Variants in CD96 observed in about 807,000 individuals in gnomAD.
The protein encoded by CD96 is T-cell surface protein tactile.
CD96 carries 70 observed loss-of-function variants against 71.3 expected under a neutral mutation model. The observed-to-expected ratio is 0.98, with a 90% CI of 0.81 to 1.20. The LOEUF (loss-of-function observed/expected upper bound fraction) is 1.20. CD96 is among the 50% of genes most tolerant of loss of function. The probability of loss-of-function intolerance (pLI) is 0.00; values close to 1 mark genes in which losing one functional copy is unlikely to be tolerated. For synonymous variants in CD96, 248 were observed against 233.0 expected, an observed-to-expected ratio of 1.06 and a Z score of -0.59; for missense variants, 742 against 677.5, an observed-to-expected ratio of 1.10 and a Z score of -1.06.
chr3:111,651,167 A>G lies in CD96; in HGVS notation c.*1361A>G, dbSNP rs1443578604. Reference sequence around the variant, plus strand: ...ACATGTTCAGCCAAAGTTGAGAACCATCGAGCCTGTGGAAGTTCTTTCTCA... The same window carrying G: ...ACATGTTCAGCCAAAGTTGAGAACCGTCGAGCCTGTGGAAGTTCTTTCTCA... On this transcript the variant is annotated 3_prime_UTR_variant, in exon 14 of 14. Transcript: ENST00000352690. The G allele has an allele frequency of 2.6e-5, 4 of 152,248 alleles. No homozygotes were observed. Among genetic ancestry groups the G allele is most frequent in the Non-Finnish European group, 4.4e-5 (3 of 68,036 alleles). 9.4% of individuals were successfully genotyped at this position (152,248 alleles called of 1,614,324 possible).
At position 111,638,062 on chromosome 3, in the gene CD96, C is replaced by G; in HGVS notation, c.1388-17C>G. 7.0e-7 allele frequency: 1 copy of G among 1,419,696 alleles called. No individual in the cohort carries two copies. Among genetic ancestry groups the G allele is most frequent in the Non-Finnish European group, 1.0e-6 (1 of 1,002,782 alleles). 87.9% of individuals were successfully genotyped at this position (1,419,696 alleles called of 1,614,324 possible). On this transcript the variant is annotated splice_polypyrimidine_tract_variant and intron_variant, in intron 11 of 13. Transcript: ENST00000352690. Reference sequence around the variant, plus strand: ...AAGTTGAGATGTCTTGTCCAGATATCCCCTTTATATCCCTAGACAATGTCT... The same window carrying G: ...AAGTTGAGATGTCTTGTCCAGATATGCCCTTTATATCCCTAGACAATGTCT...
chr3:111,653,815 T>A (rs1184483081), downstream of CD96, among the ~76,000 whole-genome samples: 1 of 152,064 alleles, frequency 6.6e-6, no homozygotes, highest in Non-Finnish European at 1.5e-5. Context: ...AGCGATAATT[T>A]TTTTTTTTTA....
chr3:111,659,732 C>G (rs1455188496), intron 14 of CD96, among the ~76,000 whole-genome samples: 1 of 152,014 alleles, frequency 6.6e-6, no homozygotes, highest in South Asian at 2.1e-4. Context: ...ATATTCATAC[C>G]AATAAATAGG....
chr3:111,565,782 C>T (rs973904965), intron 2 of CD96, among the ~76,000 whole-genome samples: 3 of 151,282 alleles, frequency 2.0e-5, no homozygotes, highest in Non-Finnish European at 4.4e-5. Context: ...ACCTCCAGAA[C>T]TTGAGGAATT....
At chr3:111,560,247 C>T (rs1157883520) in intron 2 of CD96, among the ~76,000 whole-genome samples, 1 of 151,784 alleles carries the variant, frequency 6.6e-6, no homozygotes, top group Admixed American at 6.6e-5. Flanking sequence ...TTGATCCTGT[C>T]ATTATGATGT....
At chr3:111,642,684 A>G (rs931541147) in intron 12 of CD96, among the ~76,000 whole-genome samples, 7 of 151,818 alleles carry the variant, frequency 4.6e-5, no homozygotes, top group Non-Finnish European at 1.0e-4. Context: ...GCAGGCGCCT[A>G]TAATCCCAGC....
chr3:111,607,920 T>A (rs1937702261), intron 8 of CD96, among the ~76,000 whole-genome samples: 1 of 152,216 alleles, frequency 6.6e-6, no homozygotes, highest in Admixed American at 6.5e-5. Flanking sequence ...ATTAGCATAT[T>A]CAAAAATAAT....
At chr3:111,573,756 G>A (rs1331903906) in intron 3 of CD96, among the ~76,000 whole-genome samples, 1 of 144,954 alleles carries the variant, frequency 6.9e-6, no homozygotes, top group Non-Finnish European at 1.6e-5. Context: ...TCTTCAACAT[G>A]CTCTTATTTA....
intron 2 of CD96, among the ~76,000 whole-genome samples, chr3:111,547,764 G>A (rs1346564142): frequency 6.6e-6 from 1 of 152,116 alleles, no homozygotes; most frequent in Non-Finnish European, 1.5e-5. Flanking sequence ...CTGTCATCTG[G>A]ATCAGATGAA....
intron 8 of CD96, 110 bp downstream of exon 8, chr3:111,606,902 G>A (rs1482798367): frequency 9.3e-6 from 7 of 756,256 alleles, no homozygotes; most frequent in Non-Finnish European, 1.7e-5. Flanking sequence ...GACTTTTTTG[G>A]GGCTGAAATT....
At chr3:111,622,728 A>G (rs772265182) in intron 8 of CD96, among the ~76,000 whole-genome samples, 14 of 152,264 alleles carry the variant, frequency 9.2e-5, no homozygotes, top group Non-Finnish European at 1.9e-4. Context: ...ATTATACAGC[A>G]TTCTTTTTAT....
At chr3:111,612,055 T>C (rs1937970811) in intron 8 of CD96, among the ~76,000 whole-genome samples, 1 of 152,178 alleles carries the variant, frequency 6.6e-6, no homozygotes, top group Non-Finnish European at 1.5e-5. Flanking sequence ...TGTTTAAACG[T>C]CAACTAATGG....
At chr3:111,603,038 T>G (rs1237349747) in intron 7 of CD96, among the ~76,000 whole-genome samples, 1 of 152,046 alleles carries the variant, frequency 6.6e-6, no homozygotes, top group Admixed American at 6.6e-5. Context: ...AGACAGGGCA[T>G]GGGATTAGGG....
At chr3:111,653,997 G>A (rs1390529994), downstream of CD96, among the ~76,000 whole-genome samples, 4 of 152,204 alleles carry the variant, frequency 2.6e-5, no homozygotes, top group East Asian at 7.7e-4. Context: ...ACTTACTAAG[G>A]CCAGAGATAA....
chr3:111,545,387 C>G lies in CD96; in HGVS notation c.403C>G (p.Leu135Val). 3.8e-6 allele frequency: 6 copies of G among 1,591,988 alleles called. No individual in the cohort carries two copies. The highest frequency in any genetic ancestry group is 5.2e-6 in the Non-Finnish European group (6 of 1,159,862). The change falls in exon 2 of 14, where the codon CTC (leucine) becomes GTC (valine). Residue 135 changes from leucine (L) to valine (V), a missense_variant. Physicochemically the swap from Leu to Val is conservative, Grantham distance 32. Coordinates refer to ENST00000352690, the MANE Select transcript of CD96 (RefSeq NM_005816.5). ...EGIQTKIYNLLIQTHVTADEW... is the reference protein window; with the variant it reads ...EGIQTKIYNLVIQTHVTADEW... ...CATTCAGACTAAAATCTACAACCTT[C>G]TCATTCAGACACACGGTAAGCATAA...
intron 7 of CD96, among the ~76,000 whole-genome samples, chr3:111,606,483 C>T (rs1414758536): frequency 6.6e-6 from 1 of 152,172 alleles, no homozygotes; most frequent in Non-Finnish European, 1.5e-5. Context: ...CAACACAATG[C>T]TTGGCTGCCT....
At chr3:111,593,076 T>C (rs1406716028) in intron 5 of CD96, 1 of 153,184 alleles carries the variant, frequency 6.5e-6, no homozygotes, top group Admixed American at 6.5e-5. Context: ...CACCAGTACA[T>C]GTGCTAAGAC....
intron 4 of CD96, among the ~76,000 whole-genome samples, chr3:111,580,802 C>G (rs1460546686): frequency 2.6e-5 from 4 of 152,176 alleles, no homozygotes; most frequent in Non-Finnish European, 5.9e-5. Context: ...TGGAAACAAG[C>G]TGTTCATCTC....
intron 10 of CD96, among the ~76,000 whole-genome samples, chr3:111,625,792 G>A (rs755860380): frequency 6.6e-5 from 10 of 151,978 alleles, no homozygotes; most frequent in Admixed American, 1.3e-4. Context: ...ATCAAAAGAC[G>A]TCTTTAAAAA....
Sources: allele counts gnomAD v4.1 joint callset (sites outside exome capture counted in the v4.1 genomes callset), GRCh38; gene constraint gnomAD v4.1.1; transcripts MANE v1.5; gene names NCBI Gene and HGNC (gene_info 2026-07-23, HGNC 2026-07-21).